The following INTS6 variants were observed in gnomAD, a reference collection of about 807,000 sequenced individuals.
INTS6 encodes the protein DEAD box protein.
Under a neutral mutation model 104.9 loss-of-function variants are expected in INTS6, and 16 were observed. The observed-to-expected ratio is 0.15, with a 90% CI of 0.10 to 0.23. INTS6 has a LOEUF of 0.23. INTS6 is among the 10% of genes least tolerant of loss of function. The probability of loss-of-function intolerance (pLI) is 1.00; values close to 1 mark genes in which losing one functional copy is unlikely to be tolerated. For synonymous variants in INTS6, 324 were observed against 358.7 expected, an observed-to-expected ratio of 0.90 and a Z score of 1.09; for missense variants, 584 against 1,062.8, an observed-to-expected ratio of 0.55 and a Z score of 6.26.
intron 4 of INTS6, among the ~76,000 whole-genome samples, chr13:51,396,579 T>C (rs1956342227): frequency 6.6e-6 from 1 of 152,078 alleles, no homozygotes; most frequent in Non-Finnish European, 1.5e-5. Context: ...CATGATGCAA[T>C]ACCACAACAT....
chr13:51,410,829 TATAACTC>T (rs776129888), intron 4 of INTS6, among the ~76,000 whole-genome samples: 27 of 152,144 alleles, frequency 1.8e-4, no homozygotes, highest in Non-Finnish European at 3.4e-4. Context: ...AAAAAATTCT[TATAACTC>T]ATTAGCAAGA....
rs138628953 is a variant in INTS6 at position 51,416,099 on chromosome 13, T to C, written c.429+14195A>G. ...GATAAGGACATTATTAGTGATCTTATTAACAAAGGTAGAATCAAAAGTCAG... is the reference window on the plus strand; with the variant it reads ...GATAAGGACATTATTAGTGATCTTACTAACAAAGGTAGAATCAAAAGTCAG... On this transcript the variant is annotated intron_variant, in intron 4 of 17. Coordinates refer to ENST00000311234, the MANE Select transcript of INTS6 (RefSeq NM_012141.3). Among the ~76,000 whole-genome samples, 521 of 152,282 alleles carry C rather than the reference T, an allele frequency of 3.4e-3. 3 individuals are homozygous for C. Among genetic ancestry groups the C allele is most frequent in the Non-Finnish European group, 5.4e-3 (368 of 68,024 alleles).
chr13:51,341,301 G>A, the INTS6 span: 127 of 1,612,974 alleles, frequency 7.9e-5, no homozygotes, highest in Non-Finnish European at 1.0e-4. Context: ...GAGCAGAAGG[G>A]AGCACTGGTC....
At chr13:51,340,969 C>T in the INTS6 span, 3 of 1,147,584 alleles carry the variant, frequency 2.6e-6, no homozygotes, top group African/African-American at 1.5e-5. Flanking sequence ...CTCAGCCGTC[C>T]CTAGCCCCTA....
chr13:51,388,774 C>T (rs1956191421), intron 6 of INTS6, among the ~76,000 whole-genome samples: 1 of 152,168 alleles, frequency 6.6e-6, no homozygotes, highest in Admixed American at 6.5e-5. Context: ...ACTATAACTC[C>T]TTATATCCAC....
chr13:51,335,847 C>T, the INTS6 span: 1 of 152,122 alleles, frequency 6.6e-6, no homozygotes, highest in Non-Finnish European at 1.5e-5. Context: ...TAGGGAATAA[C>T]GAAATACATA....
rs765021949 is a variant in INTS6 at position 51,374,222 on chromosome 13, A to G, written c.2090T>C (p.Leu697Pro). 1.9e-6 allele frequency: 3 copies of G among 1,611,644 alleles called. No individual in the cohort carries two copies. Among genetic ancestry groups the G allele is most frequent in the Non-Finnish European group, 2.5e-6 (3 of 1,177,894 alleles). The change falls in exon 15 of 18, where the codon CTT (leucine) becomes CCT (proline). Residue 697 changes from leucine (L) to proline (P), a missense_variant. Physicochemically the swap from Leu to Pro is moderately conservative, Grantham distance 98. Coordinates refer to ENST00000311234, the MANE Select transcript of INTS6 (RefSeq NM_012141.3). Reference sequence around the variant, plus strand: ...ACAATTCTTACTTTTATGAAGAGGAAGAGGTTTAATAAGATCTGGCTGTGC... The same window carrying G: ...ACAATTCTTACTTTTATGAAGAGGAGGAGGTTTAATAAGATCTGGCTGTGC... ...TQAQPDLIKP[L>P]PLHKISETTN...
intron 4 of INTS6, among the ~76,000 whole-genome samples, chr13:51,415,505 A>G (rs1396563986): frequency 6.6e-6 from 1 of 152,058 alleles, no homozygotes; most frequent in Non-Finnish European, 1.5e-5. Flanking sequence ...GTCTCACAAG[A>G]TCTGATGGTT....
Position 51,374,284 on chromosome 13 carries a change from A to G in INTS6, c.2028T>C (p.His676=), listed in dbSNP as rs772403230. Residue 676 remains histidine (H), a synonymous_variant, in exon 15 of 18, where the codon CAT becomes CAC. Coordinates refer to ENST00000311234, the MANE Select transcript of INTS6 (RefSeq NM_012141.3). ...GRQQNPVVNN[H]IGGKGPPAPT... ...GTGCAGGTGGTCCTTTTCCCCCAAT[A>G]TGATTGTTTACAACAGGATTCTGCT... 4.3e-6 allele frequency: 7 copies of G among 1,613,946 alleles called. No homozygotes were observed. The highest frequency in any genetic ancestry group is 2.2e-5 in the East Asian group (1 of 44,874).
At position 51,362,258 on chromosome 13, in the gene INTS6, G is replaced by A; in HGVS notation, c.*3494C>T. 1 of 385,850 alleles carries A rather than the reference G, an allele frequency of 2.6e-6. No homozygotes were observed. Among genetic ancestry groups the A allele is most frequent in the Non-Finnish European group, 4.5e-6 (1 of 223,668 alleles). 23.9% of individuals were successfully genotyped at this position (385,850 alleles called of 1,614,324 possible). On this transcript the variant is annotated 3_prime_UTR_variant, in exon 18 of 18. Coordinates refer to ENST00000311234, the MANE Select transcript of INTS6 (RefSeq NM_012141.3). ...GTCCCCTAGCTTTCTTATCATTTTA[G>A]AGTTTTTTCAGGTCACTAGAGTACA...
intron 10 of INTS6, among the ~76,000 whole-genome samples, chr13:51,379,944 T>C (rs1185788381): frequency 1.3e-5 from 2 of 152,022 alleles, no homozygotes; most frequent in Admixed American, 1.3e-4. Context: ...ATTTCTACTT[T>C]TGAGTAATTA....
chr13:51,375,766 T>TGTGTGTGTGTGC (rs1003965942), intron 13 of INTS6, among the ~76,000 whole-genome samples: 7 of 147,312 alleles, frequency 4.8e-5, no homozygotes, highest in African/African-American at 1.8e-4. Flanking sequence ...TGTGTGTGTG[T>TGTGTGTGTGTGC]GCGCGCGCGT....
chr13:51,343,521 G>T, the INTS6 span, among the ~76,000 whole-genome samples: 1 of 152,230 alleles, frequency 6.6e-6, no homozygotes, highest in African/African-American at 2.4e-5. Context: ...TAAATAAATA[G>T]AAGTCCAGCT....
In INTS6 at chr13:51,375,734, G is replaced by GATGTGT. The variant is rs142921391; in HGVS notation, c.1729+313_1729+314insACACAT. The stretch of plus-strand genomic sequence containing the variant: ...TTTTAAGTATACAGTTTGATAAGTG[G>GATGTGT]GTGTGTGTGTGTGTGTGTGTGTGTG... On this transcript the variant is annotated intron_variant, in intron 13 of 17. Coordinates refer to ENST00000311234, the MANE Select transcript of INTS6 (RefSeq NM_012141.3). Among the ~76,000 whole-genome samples the GATGTGT allele has an allele frequency of 2.1e-3, 311 of 147,684 alleles. 1 individual carries two copies. Among genetic ancestry groups the GATGTGT allele is most frequent in the South Asian group, 7.4e-3 (34 of 4,612 alleles).
intron 4 of INTS6, among the ~76,000 whole-genome samples, chr13:51,415,576 G>A (rs2138049491): frequency 6.6e-6 from 1 of 152,252 alleles, no homozygotes; most frequent in African/African-American, 2.4e-5. Flanking sequence ...ACCCATGTAA[G>A]ACATGACTTG....
Position 51,452,629 on chromosome 13 carries a change from AC to A in INTS6, c.-105del. On this transcript the variant is annotated 5_prime_UTR_variant, in exon 1 of 18. Transcript: ENST00000311234. This position sits in a 1 kb window ranked among gnomAD's most constrained non-coding sequence, Gnocchi z 4.2. ...CCGCCGCTACGCGGGGCGGGGGAGC[AC>A]GGCCCCCGGGAGGAAAACACTGTCT... 6.6e-7 allele frequency: 1 copy of A among 1,525,374 alleles called. No individual in the cohort carries two copies. The allele number at this position is 1,525,374 out of a possible 1,614,324, so 94.5% of individuals were successfully genotyped here.
intron 13 of INTS6, among the ~76,000 whole-genome samples, chr13:51,375,736 T>TGGGTGG (rs1348903082): frequency 1.0e-5 from 1 of 99,554 alleles, no homozygotes; most frequent in African/African-American, 4.2e-5. Flanking sequence ...GATAAGTGGG[T>TGGGTGG]GTGTGTGTGT....
At chr13:51,353,502 T>C (rs900670744), downstream of INTS6, among the ~76,000 whole-genome samples, 8 of 152,182 alleles carry the variant, frequency 5.3e-5, no homozygotes, top group African/African-American at 1.7e-4. Context: ...AGTTTGCAGG[T>C]AGTTACTTGA....
At chr13:51,384,776 T>C (rs1956110122) in intron 7 of INTS6, 1 of 444,322 alleles carries the variant, frequency 2.3e-6, no homozygotes, top group Non-Finnish European at 4.5e-6. Context: ...TAGTCATTAC[T>C]AGTTGCTGCC....
Sources: gnomAD v4.1 joint callset for allele counts (sites outside exome capture counted in the v4.1 genomes callset) on GRCh38, gnomAD v4.1.1 for gene constraint, Gnocchi (gnomAD v3.1) non-coding constraint, MANE v1.5 for transcripts, NCBI Gene and HGNC (gene_info 2026-07-23, HGNC 2026-07-21) for gene names.